MDFIC2: variants seen among roughly 807,000 people sequenced by gnomAD.
MDFIC2 encodes the protein MyoD family inhibitor domain containing 2.
chr3:70,276,729 T>C (rs1216948086), intron 2 of MDFIC2, among the ~76,000 whole-genome samples: 1 of 152,344 alleles, frequency 6.6e-6, no homozygotes, highest in East Asian at 1.9e-4. Context: ...TGCTCATTAA[T>C]TTATGTATTA....
At chr3:70,232,588 CG>C (rs1438055040) in intron 2 of MDFIC2, among the ~76,000 whole-genome samples, 1 of 151,760 alleles carries the variant, frequency 6.6e-6, no homozygotes, top group Non-Finnish European at 1.5e-5. Flanking sequence ...TTGATAGAGA[CG>C]GGGTTTCACT....
chr3:70,219,875 G>A (rs1189262526), intron 2 of MDFIC2, among the ~76,000 whole-genome samples: 1 of 152,124 alleles, frequency 6.6e-6, no homozygotes, highest in Non-Finnish European at 1.5e-5. Context: ...ACAGTTTCCT[G>A]GAGAAGAAAC....
intron 2 of MDFIC2, among the ~76,000 whole-genome samples, chr3:70,246,715 T>C (rs1231859157): frequency 6.6e-6 from 1 of 152,084 alleles, no homozygotes; most frequent in Non-Finnish European, 1.5e-5. Flanking sequence ...CTATATTTAA[T>C]CTGGCAATCC....
At chr3:70,197,281 A>G (rs1701191593) in intron 3 of MDFIC2, 96 bp from the exon 4 acceptor site, 1 of 397,106 alleles carries the variant, frequency 2.5e-6, no homozygotes, top group Admixed American at 4.4e-5. Context: ...TTGATAGCCA[A>G]CTCTTAATTA....
At chr3:70,294,391 T>G (rs1311581739) in intron 2 of MDFIC2, among the ~76,000 whole-genome samples, 1 of 152,100 alleles carries the variant, frequency 6.6e-6, no homozygotes, top group African/African-American at 2.4e-5. Context: ...AAGCATTCAC[T>G]GCTGACAGAC....
intron 2 of MDFIC2, among the ~76,000 whole-genome samples, chr3:70,308,538 C>T (rs1702424797): frequency 6.6e-6 from 1 of 152,144 alleles, no homozygotes; most frequent in Admixed American, 6.5e-5. Context: ...GACACCACCA[C>T]TGATGTGAAC....
intron 2 of MDFIC2, among the ~76,000 whole-genome samples, chr3:70,223,156 T>A (rs1701475395): frequency 6.6e-6 from 1 of 152,164 alleles, no homozygotes; most frequent in Non-Finnish European, 1.5e-5. Flanking sequence ...ACTCTTTACG[T>A]CTATTTGTAA....
At chr3:70,282,297 T>C (rs769204653) in intron 2 of MDFIC2, among the ~76,000 whole-genome samples, 17 of 152,140 alleles carry the variant, frequency 1.1e-4, no homozygotes, top group Non-Finnish European at 2.1e-4. Flanking sequence ...GACACACCAC[T>C]TAAGAAGATG....
intron 2 of MDFIC2, among the ~76,000 whole-genome samples, chr3:70,231,927 C>T (rs1701563303): frequency 6.6e-6 from 1 of 152,148 alleles, no homozygotes; most frequent in African/African-American, 2.4e-5. Flanking sequence ...TGATGCTACA[C>T]CAAATAACAG....
intron 2 of MDFIC2, among the ~76,000 whole-genome samples, chr3:70,253,228 C>T (rs1343514548): frequency 2.0e-5 from 3 of 152,034 alleles, no homozygotes; most frequent in Non-Finnish European, 4.4e-5. Context: ...TGAGAAGGTG[C>T]CTTTTAGTGA....
chr3:70,197,302 T>C (rs1163968329), intron 3 of MDFIC2, 117 bp from the exon 4 acceptor site: 1 of 397,096 alleles, frequency 2.5e-6, no homozygotes, highest in East Asian at 3.6e-5. Flanking sequence ...TTTATCCACA[T>C]TAGGGGTAAT....
intron 2 of MDFIC2, among the ~76,000 whole-genome samples, chr3:70,257,147 A>G (rs1701824497): frequency 6.6e-6 from 1 of 152,204 alleles, no homozygotes. Context: ...TTGATAATAC[A>G]TGTCATGATT....
chr3:70,201,697 T>A (rs915632702), intron 3 of MDFIC2, among the ~76,000 whole-genome samples: 1 of 152,190 alleles, frequency 6.6e-6, no homozygotes, highest in Non-Finnish European at 1.5e-5. Context: ...CTGCCTTCCA[T>A]AATATGCTCC....
At chr3:70,214,137 T>C (rs1701381906) in intron 2 of MDFIC2, among the ~76,000 whole-genome samples, 1 of 152,128 alleles carries the variant, frequency 6.6e-6, no homozygotes, top group Admixed American at 6.5e-5. Flanking sequence ...TACATCCTGA[T>C]AGATTGGATA....
chr3:70,310,104 T>C (rs1702441352), intron 2 of MDFIC2, among the ~76,000 whole-genome samples: 1 of 152,270 alleles, frequency 6.6e-6, no homozygotes, highest in East Asian at 1.9e-4. Context: ...CTTTGATGCA[T>C]GTTCTACTTT....
chr3:70,290,370 T>G lies in MDFIC2; in HGVS notation c.88+21516A>C, dbSNP rs112977368. Among the ~76,000 whole-genome samples, 24 of 152,266 alleles carry G rather than the reference T, an allele frequency of 1.6e-4. 1 individual carries two copies. Among genetic ancestry groups the G allele is most frequent in the African/African-American group, 5.3e-4 (22 of 41,560 alleles). On this transcript the variant is annotated intron_variant, in intron 2 of 3. Coordinates refer to ENST00000567252, the MANE Select transcript of MDFIC2 (RefSeq NM_001364677.1). ...GGGGGGTGCCTCCCAGTTAGGCTGC[T>G]CGGGGGCCAGGGGTCAGGGACCCAC...
chr3:70,295,052 G>T (rs902851601), intron 2 of MDFIC2, among the ~76,000 whole-genome samples: 3 of 152,268 alleles, frequency 2.0e-5, no homozygotes, highest in African/African-American at 7.2e-5. Context: ...AATAATCAAT[G>T]ATCTGTTGCC....
chr3:70,231,953 AG>A (rs1422749740), intron 2 of MDFIC2, among the ~76,000 whole-genome samples: 1 of 152,096 alleles, frequency 6.6e-6, no homozygotes, highest in African/African-American at 2.4e-5. Flanking sequence ...TATTCTTGAC[AG>A]TTGTTCAGTG....
chr3:70,260,105 G>A (rs1701851703), intron 2 of MDFIC2, among the ~76,000 whole-genome samples: 1 of 152,174 alleles, frequency 6.6e-6, no homozygotes, highest in African/African-American at 2.4e-5. Flanking sequence ...ATATCAATTG[G>A]CTTACAGTTC....
Sources: allele counts gnomAD v4.1 joint callset (sites outside exome capture counted in the v4.1 genomes callset), GRCh38; gene constraint gnomAD v4.1.1; transcripts MANE v1.5; gene names NCBI Gene and HGNC (gene_info 2026-07-23, HGNC 2026-07-21).